Variants in MIS18A observed in about 807,000 individuals in gnomAD.
MIS18A encodes MIS18 kinetochore protein A.
In MIS18A, 14 loss-of-function variants were observed where a neutral mutation model predicts 25.0. The ratio of observed to expected loss-of-function variants is 0.56; its 90% CI spans 0.37 to 0.88. The LOEUF is 0.88. MIS18A is among the 40% of genes least tolerant of loss of function. MIS18A has a pLI of 0.00. For missense variants in MIS18A, 292 were observed against 290.8 expected, an observed-to-expected ratio of 1.00 and a Z score of -0.03; for synonymous variants, 134 against 118.6, an observed-to-expected ratio of 1.13 and a Z score of -0.84.
the MIS18A span, among the ~76,000 whole-genome samples, chr21:32,214,351 A>C: frequency 0.011 from 1,615 of 152,266 alleles, 36 homozygotes; most frequent in Non-Finnish European, 0.015. Context: ...AAATTCTGAC[A>C]AAGTCACTTC....
chr21:32,172,665 T>C, the MIS18A span, among the ~76,000 whole-genome samples: 1 of 151,204 alleles, frequency 6.6e-6, no homozygotes, highest in Admixed American at 6.6e-5. Context: ...CCAAGAATAA[T>C]CAAAACAATC....
the MIS18A span, among the ~76,000 whole-genome samples, chr21:32,226,290 AG>A: frequency 8.6e-5 from 13 of 151,046 alleles, no homozygotes; most frequent in African/African-American, 3.2e-4. Context: ...TAAAAAAAAA[AG>A]AAAAAAAAAA....
At chr21:32,208,335 A>G in the MIS18A span, among the ~76,000 whole-genome samples, 2 of 152,148 alleles carry the variant, frequency 1.3e-5, no homozygotes, top group African/African-American at 2.4e-5. Flanking sequence ...ATGGTTTAGA[A>G]CCATCCCCTT....
chr21:32,221,868 G>A, the MIS18A span, among the ~76,000 whole-genome samples: 1 of 151,626 alleles, frequency 6.6e-6, no homozygotes, highest in Non-Finnish European at 1.5e-5. Context: ...CTCCAGCCTG[G>A]ACAACAAGCA....
the MIS18A span, among the ~76,000 whole-genome samples, chr21:32,249,588 T>C: frequency 6.6e-6 from 1 of 152,186 alleles, no homozygotes; most frequent in African/African-American, 2.4e-5. Context: ...TATGGGGCTG[T>C]GTTAGTCCAT....
the MIS18A span, among the ~76,000 whole-genome samples, chr21:32,162,634 C>T: frequency 6.6e-6 from 1 of 152,178 alleles, no homozygotes; most frequent in African/African-American, 2.4e-5. Flanking sequence ...AGACATGGAA[C>T]TTCTCTGGGC....
chr21:32,247,551 T>C, the MIS18A span, among the ~76,000 whole-genome samples: 1 of 152,206 alleles, frequency 6.6e-6, no homozygotes, highest in Non-Finnish European at 1.5e-5. Context: ...GTTAAAGTCC[T>C]AACCCCTGGA....
At chr21:32,184,268 C>T in the MIS18A span, among the ~76,000 whole-genome samples, 22 of 152,360 alleles carry the variant, frequency 1.4e-4, no homozygotes, top group East Asian at 4.3e-3. Context: ...TGAGGCTGCA[C>T]AGCAGGGCAT....
chr21:32,231,521 T>C, the MIS18A span, among the ~76,000 whole-genome samples: 1 of 152,114 alleles, frequency 6.6e-6, no homozygotes, highest in African/African-American at 2.4e-5. Flanking sequence ...ATGGCTAGAA[T>C]CTAAAAGACA....
the MIS18A span, among the ~76,000 whole-genome samples, chr21:32,212,942 T>G: frequency 6.6e-6 from 1 of 152,224 alleles, no homozygotes; most frequent in Non-Finnish European, 1.5e-5. Context: ...CCTTTATAAA[T>G]TACCCAGTCT....
downstream of MIS18A, chr21:32,268,127 C>T (rs979975339): frequency 1.3e-5 from 2 of 152,216 alleles, no homozygotes; most frequent in African/African-American, 4.8e-5. Flanking sequence ...CTGAGCAGGC[C>T]TTCCACACTG....
the MIS18A span, among the ~76,000 whole-genome samples, chr21:32,232,390 C>T: frequency 6.6e-6 from 1 of 150,726 alleles, no homozygotes; most frequent in African/African-American, 2.4e-5. Flanking sequence ...AATAGATACA[C>T]ATTATATATC....
the MIS18A span, among the ~76,000 whole-genome samples, chr21:32,158,561 G>A: frequency 1.3e-5 from 2 of 151,098 alleles, no homozygotes; most frequent in African/African-American, 4.9e-5. Context: ...CACAACCACC[G>A]CCTCCTGAGT....
the MIS18A span, among the ~76,000 whole-genome samples, chr21:32,199,332 T>G: frequency 6.6e-6 from 1 of 151,788 alleles, no homozygotes; most frequent in African/African-American, 2.4e-5. Context: ...GGAGTGGGAG[T>G]TGGGGCTACC....
chr21:32,182,943 G>T, the MIS18A span, among the ~76,000 whole-genome samples: 1 of 152,168 alleles, frequency 6.6e-6, no homozygotes, highest in Non-Finnish European at 1.5e-5. Context: ...TGAAGGGGAA[G>T]CTCCAAAATT....
chr21:32,161,682 G>C, the MIS18A span, among the ~76,000 whole-genome samples: 1 of 147,542 alleles, frequency 6.8e-6, no homozygotes, highest in Non-Finnish European at 1.5e-5. Context: ...AGTAGAGATG[G>C]GATTTCACCA....
the MIS18A span, among the ~76,000 whole-genome samples, chr21:32,156,730 G>T: frequency 6.6e-6 from 1 of 152,054 alleles, no homozygotes; most frequent in Non-Finnish European, 1.5e-5. Flanking sequence ...GCGGGGGGTT[G>T]CATCTGTGAG....
chr21:32,206,608 T>G, the MIS18A span, among the ~76,000 whole-genome samples: 1 of 152,142 alleles, frequency 6.6e-6, no homozygotes, highest in Non-Finnish European at 1.5e-5. Context: ...TGTAATAATG[T>G]AAACACTGAA....
chr21:32,240,595 A>T, the MIS18A span, among the ~76,000 whole-genome samples: 1 of 152,242 alleles, frequency 6.6e-6, no homozygotes, highest in African/African-American at 2.4e-5. Flanking sequence ...TTTCTTCTCC[A>T]TCTACAGGAT....
Sources: allele counts gnomAD v4.1 joint callset (sites outside exome capture counted in the v4.1 genomes callset), GRCh38; gene constraint gnomAD v4.1.1; transcripts MANE v1.5; gene names NCBI Gene and HGNC (gene_info 2026-07-23, HGNC 2026-07-21).